PIEZO1: variants seen among roughly 807,000 people sequenced by gnomAD.
PIEZO1 encodes piezo type mechanosensitive ion channel component 1 (Er blood group).
Under a neutral mutation model 297.2 loss-of-function variants are expected in PIEZO1, and 296 were observed. The observed-to-expected ratio is 1.00, with a 90% confidence interval of 0.91 to 1.10. The LOEUF (loss-of-function observed/expected upper bound fraction) is 1.10, where lower values mean the gene tolerates loss of function less well. Ranked by LOEUF, PIEZO1 falls within the 50% of genes least tolerant of loss-of-function variation. The pLI, the probability that PIEZO1 is intolerant of heterozygous loss-of-function variation, is 0.00. For synonymous variants in PIEZO1, 2,427 were observed against 1,507.5 expected, an observed-to-expected ratio of 1.61 and a Z score of -14.13; for missense variants, 5,018 against 3,455.5, an observed-to-expected ratio of 1.45 and a Z score of -11.34.
In PIEZO1 at chr16:88,738,268, G is replaced by C. The variant is rs1370109604; in HGVS notation, c.807C>G (p.Pro269=). The change falls in exon 7 of 51, where the codon CCC becomes CCG. Residue 269 remains proline (P), a synonymous_variant. Transcript: ENST00000301015. ...HLICLYCYQM[P]LAQALLPPAG... is the part of the protein sequence containing the mutation. ...CAGGCGGGAGCAGAGCCTGTGCCAA[G>C]GGCATCTGGTAGCAGTAGAGGCAGA... is the stretch of plus-strand genomic sequence containing the variant. 1 of 1,535,888 alleles carries C rather than the reference G, an allele frequency of 6.5e-7. No individual in the cohort carries two copies.
rs199649918 is a variant in PIEZO1, at chr16:88,718,820, ACCT to A, written c.6471+751_6471+753del. ...ACTCCTGGCCTCAAGCCATCCTCCC[ACCT>A]CAGCCTCCAGAGTAGCTGGGAGCAC... On this transcript the variant is annotated intron_variant, in intron 44 of 50. Transcript: ENST00000301015. 1,098 of 153,276 alleles carry A rather than the reference ACCT, an allele frequency of 7.2e-3. 9 individuals carry two copies. Among genetic ancestry groups the A allele is most frequent in the African/African-American group, 0.024 (1,015 of 41,484 alleles). The allele number at this position is 153,276 out of a possible 1,614,324, so 9.5% of individuals were successfully genotyped here.
chr16:88,746,104 G>T (rs1906041014), intron 2 of PIEZO1, among the ~76,000 whole-genome samples: 1 of 152,200 alleles, frequency 6.6e-6, no homozygotes, highest in Non-Finnish European at 1.5e-5. Flanking sequence ...CCAGCCAAGG[G>T]ACCCAGGGTG....
rs1343111752 is a variant in PIEZO1, at chr16:88,725,496, T to G, written c.4082A>C (p.Gln1361Pro). 5.2e-6 allele frequency: 8 copies of G among 1,527,932 alleles called. No homozygotes were observed. The highest frequency in any genetic ancestry group is 1.7e-4 in the Middle Eastern group (1 of 5,918). The allele number at this position is 1,527,932 out of a possible 1,614,324, so 94.6% of individuals were successfully genotyped here. ...KRQMERIRAK[Q>P]EKHRQGRVDR... ...CACCCGGCCCTGCCTGTGCTTCTCC[T>G]GCTTGGCACGGATACGCTCCATCCT... The change falls in exon 29 of 51, where the codon CAG becomes CCG. Residue 1361 changes from glutamine to proline, a missense_variant. Transcript: ENST00000301015.
intron 29 of PIEZO1, 102 bp downstream of exon 29, chr16:88,725,314 G>A (rs1597448487): frequency 2.5e-6 from 2 of 786,366 alleles, no homozygotes; most frequent in East Asian, 2.8e-5. Context: ...AGGCGGGCTG[G>A]GAGCCCTGTG....
chr16:88,717,414 C>T (rs574599789), intron 44 of PIEZO1: 5 of 647,190 alleles, frequency 7.7e-6, no homozygotes, highest in African/African-American at 7.2e-5. Flanking sequence ...GGTCGTTGAT[C>T]TTAGACAAGG....
chr16:88,733,365 G>T lies in PIEZO1; in HGVS notation c.2577C>A (p.Thr859=). The T allele has an allele frequency of 6.5e-7, 1 of 1,549,822 alleles. No homozygotes were observed. Among genetic ancestry groups the T allele is most frequent in the Non-Finnish European group, 8.7e-7 (1 of 1,146,470 alleles). Residue 859 remains threonine, a synonymous_variant, in exon 19 of 51, where the codon ACC becomes ACA. Transcript: ENST00000301015. ...RFRPMASCLS[T]VWTCVIIVCK... ...ACACGATGATGACGCAGGTCCACAC[G>T]GTGGACAGGCAGGAGGCCATGGGCC... is the stretch of plus-strand genomic sequence containing the variant.
At position 88,721,940 on chromosome 16, in the gene PIEZO1, G is replaced by A. The variant is rs1312603116; in HGVS notation, c.5082C>T (p.Ile1694=). The stretch of plus-strand genomic sequence containing the variant: ...CCGTGACCATGTGGTTGAGGATGAT[G>A]ATGAAGTAGCAGAGCAGCTCCGAGT... ...AAHSELLCYF[I]IILNHMVTAS... is the part of the protein sequence containing the mutation. The change falls in exon 37 of 51, where the codon ATC becomes ATT. Residue 1694 remains isoleucine, a synonymous_variant. Coordinates refer to ENST00000301015, the MANE Select transcript of PIEZO1 (RefSeq NM_001142864.4). The A allele has an allele frequency of 6.5e-7, 1 of 1,550,186 alleles. No homozygotes were observed. The highest frequency in any genetic ancestry group is 8.7e-7 in the Non-Finnish European group (1 of 1,146,828).
At chr16:88,737,144 G>A in intron 10 of PIEZO1, 1 of 246,118 alleles carries the variant, frequency 4.1e-6, no homozygotes, top group Non-Finnish European at 7.9e-6. Context: ...CCCTCCCAAG[G>A]CGACGTGGCC....
rs1905371115 is a variant in PIEZO1, at chr16:88,738,076, G to C, written c.878C>G (p.Pro293Arg). The C allele has an allele frequency of 6.5e-7, 1 of 1,535,726 alleles. No homozygotes were observed. ...RVLGLKDFVG[P>R]TNCSSPHALV... is the part of the protein sequence containing the mutation. The stretch of plus-strand genomic sequence containing the variant: ...CGCGTGGGGGCTGGAGCAGTTGGTG[G>C]GACCCACGAAGTCCTTGAGACCCAG... The change falls in exon 8 of 51, where the codon CCC becomes CGC. Residue 293 changes from proline to arginine, a missense_variant. Transcript: ENST00000301015.
At chr16:88,733,503 C>T (rs545035822) in intron 18 of PIEZO1, 49 bp from the exon 19 acceptor site, 29 of 1,531,068 alleles carry the variant, frequency 1.9e-5, no homozygotes, top group Admixed American at 5.9e-5. Flanking sequence ...GCAGTGGGCA[C>T]GTGGGGCTGG....
rs1026377753 is a variant in PIEZO1, at chr16:88,727,064, G to T, written c.3430C>A (p.Pro1144Thr). 1.3e-6 allele frequency: 2 copies of T among 1,549,464 alleles called. No homozygotes were observed. Among genetic ancestry groups the T allele is most frequent in the African/African-American group, 2.7e-5 (2 of 73,162 alleles). Reference protein sequence around the residue: ...RLEPLRGEPNPVPNFIHCRSY... With the variant: ...RLEPLRGEPNTVPNFIHCRSY... ...CTGCAGTGGATAAAGTTGGGCACGG[G>T]GTTGGGCTCCCCCCGCAGCGGCTCC... Residue 1144 changes from proline (P) to threonine (T), a missense_variant, in exon 24 of 51, where the codon CCC becomes ACC. Coordinates refer to ENST00000301015, the MANE Select transcript of PIEZO1 (RefSeq NM_001142864.4).
Position 88,721,639 on chromosome 16 carries a change from A to G in PIEZO1, c.5302T>C (p.Tyr1768His). ...AGGCCCAGGATGCGGGGCGGGAAGT[A>G]GGGCTTGTTCTCGTAGCGCCGCAGC... ...VVLRRYENKP[Y>H]FPPRILGLEK... is the part of the protein sequence containing the mutation. Residue 1768 changes from tyrosine to histidine, a missense_variant, in exon 38 of 51, where the codon TAC becomes CAC. Physicochemically the swap from Tyr to His is moderately conservative, Grantham distance 83. Coordinates refer to ENST00000301015, the MANE Select transcript of PIEZO1 (RefSeq NM_001142864.4). 6.5e-7 allele frequency: 1 copy of G among 1,550,142 alleles called. No homozygotes were observed. The highest frequency in any genetic ancestry group is 8.7e-7 in the Non-Finnish European group (1 of 1,146,868).
intron 1 of PIEZO1, among the ~76,000 whole-genome samples, chr16:88,753,268 G>A (rs1256207582): frequency 2.9e-5 from 1 of 34,652 alleles, no homozygotes; most frequent in African/African-American, 1.3e-4. Flanking sequence ...GCCCCCCAGA[G>A]CTCACCCGCC....
intron 1 of PIEZO1, among the ~76,000 whole-genome samples, chr16:88,751,882 G>A (rs1005965994): frequency 6.6e-6 from 1 of 152,168 alleles, no homozygotes; most frequent in East Asian, 1.9e-4. Context: ...CAGAGCAGAG[G>A]AGCTCACGGT....
In PIEZO1 at chr16:88,716,742, G is replaced by T; in HGVS notation, c.6754-11C>A. ...GAACTGCATGGCCAGCTGGGTACAA[G>T]TGACACCCTCAGTGACTGCAGCCGC... On this transcript the variant is annotated splice_polypyrimidine_tract_variant and intron_variant, in intron 46 of 50. Coordinates refer to ENST00000301015, the MANE Select transcript of PIEZO1 (RefSeq NM_001142864.4). 6.5e-7 allele frequency: 1 copy of T among 1,548,292 alleles called. No homozygotes were observed. Among genetic ancestry groups the T allele is most frequent in the Non-Finnish European group, 8.7e-7 (1 of 1,146,834 alleles).
At chr16:88,777,748 C>T (rs568631675) in intron 1 of PIEZO1, among the ~76,000 whole-genome samples, 2 of 152,364 alleles carry the variant, frequency 1.3e-5, no homozygotes, top group South Asian at 4.1e-4. Context: ...TCCCAGGCGA[C>T]AGATTGCAAA....
rs1454316137 is a variant in PIEZO1, at chr16:88,726,304, G to C, written c.3948C>G (p.Ala1316=). 6.5e-7 allele frequency: 1 copy of C among 1,549,676 alleles called. No individual in the cohort carries two copies. Among genetic ancestry groups the C allele is most frequent in the Admixed American group, 2.0e-5 (1 of 50,984 alleles). Residue 1316 remains alanine, a synonymous_variant, in exon 27 of 51, where the codon GCC becomes GCG. Coordinates refer to ENST00000301015, the MANE Select transcript of PIEZO1 (RefSeq NM_001142864.4). ...YYLHVRADLQ[A]TALLASRGFA... Reference sequence around the variant, plus strand: ...CTTGCCTGGAGGCTAGCAGGGCGGTGGCCTGGAGGTCGGCCCTGACGTGCA... The same window carrying C: ...CTTGCCTGGAGGCTAGCAGGGCGGTCGCCTGGAGGTCGGCCCTGACGTGCA...
chr16:88,745,681 G>A (rs1906003731), intron 2 of PIEZO1: 1 of 150,774 alleles, frequency 6.6e-6, no homozygotes, highest in Admixed American at 6.6e-5. Context: ...CCCAGGAGGC[G>A]GAGGTTGCAG....
chr16:88,734,481 C>T lies in PIEZO1; in HGVS notation c.2055G>A (p.Leu685=), dbSNP rs908903846. The T allele has an allele frequency of 1.9e-6, 3 of 1,549,600 alleles. No homozygotes were observed. The African/African-American group carries it at 4.1e-5, about 21-fold the overall frequency. The change falls in exon 16 of 51, where the codon CTG becomes CTA. Residue 685 remains leucine, a synonymous_variant. Transcript: ENST00000301015. ...FSVSELFSSI[L]VPGFFLLACI... is the part of the protein sequence containing the mutation. ...AGGCCAGGAGGAAGAAGCCGGGCAC[C>T]AGGATGCTGGAGAAGAGCTCGGACA...
Sources: gnomAD v4.1 joint callset for allele counts (sites outside exome capture counted in the v4.1 genomes callset) on GRCh38, gnomAD v4.1.1 for gene constraint, MANE v1.5 for transcripts, NCBI Gene and HGNC (gene_info 2026-07-23, HGNC 2026-07-21) for gene names.